Variants in SESN3 observed in about 807,000 individuals in gnomAD.
SESN3 encodes the protein sestrin 3.
SESN3 carries 21 observed loss-of-function variants against 55.3 expected under a neutral mutation model. That is an observed-to-expected ratio of 0.38 (90% CI 0.27 to 0.55). The LOEUF is 0.55. SESN3 is among the 20% of genes least tolerant of loss of function. The pLI is 0.76. For missense variants in SESN3, 408 were observed against 604.3 expected (o/e 0.68, Z 3.41); for synonymous variants, 181 against 203.1 (o/e 0.89, Z 0.93).
chr11:95,199,582 T>C (rs958202151), intron 1 of SESN3, among the ~76,000 whole-genome samples: 15 of 152,086 alleles, frequency 9.9e-5, no homozygotes, highest in African/African-American at 3.6e-4. Context: ...TAGAAACTCT[T>C]AAAATTGTGA....
chr11:95,196,787 C>T (rs577347998), intron 1 of SESN3, among the ~76,000 whole-genome samples: 45 of 152,340 alleles, frequency 3.0e-4, no homozygotes, highest in Admixed American at 1.8e-3. Flanking sequence ...GACAGTTCTA[C>T]CGGACAGTGC....
chr11:95,226,615 CT>C (rs1860952529), intron 1 of SESN3, among the ~76,000 whole-genome samples: 1 of 152,104 alleles, frequency 6.6e-6, no homozygotes, highest in Non-Finnish European at 1.5e-5. Flanking sequence ...GGAAGGAATT[CT>C]TTTTAAAAAG....
intron 1 of SESN3, chr11:95,203,588 A>C (rs1187553222): frequency 6.6e-6 from 1 of 152,224 alleles, no homozygotes; most frequent in Non-Finnish European, 1.5e-5. Flanking sequence ...TGATCTGTAT[A>C]GTAAATGCAT....
chr11:95,178,815 G>T lies in SESN3; in HGVS notation c.951C>A (p.Asp317Glu). Residue 317 changes from aspartate to glutamate, a missense_variant, in exon 7 of 10, where the codon GAC (aspartate) becomes GAA (glutamate). Asp to Glu is a conservative substitution (Grantham distance 45). Around this residue, in one of 4 missense-constraint regions of SESN3, gnomAD observed 119 missense variants for 139.9 expected, o/e 0.85. Coordinates refer to ENST00000536441, the MANE Select transcript of SESN3 (RefSeq NM_144665.4). ...HSFPHSDFED[D>E]MIITSDVSRY... is the part of the protein sequence containing the mutation. Reference sequence around the variant, plus strand: ...GAGAGACATCAGATGTTATAATCATGTCATCCTCAAAATCTAAGGACAATA... The same window carrying T: ...GAGAGACATCAGATGTTATAATCATTTCATCCTCAAAATCTAAGGACAATA... 1 of 1,592,676 alleles carries T rather than the reference G, an allele frequency of 6.3e-7. No individual in the cohort carries two copies. The highest frequency in any genetic ancestry group is 8.6e-7 in the Non-Finnish European group (1 of 1,160,894).
chr11:95,199,400 A>T (rs1207564999), intron 1 of SESN3, among the ~76,000 whole-genome samples: 1 of 152,070 alleles, frequency 6.6e-6, no homozygotes, highest in Non-Finnish European at 1.5e-5. Context: ...ATCAGTTGAG[A>T]TTATGCCTAT....
At chr11:95,193,306 A>T in intron 2 of SESN3, 151 bp downstream of exon 2, 1 of 595,164 alleles carries the variant, frequency 1.7e-6, no homozygotes. Context: ...TGTGAAGCTG[A>T]AAAGAAAATA....
At chr11:95,216,354 G>C (rs1449455738) in intron 1 of SESN3, among the ~76,000 whole-genome samples, 1 of 152,108 alleles carries the variant, frequency 6.6e-6, no homozygotes, top group Non-Finnish European at 1.5e-5. Flanking sequence ...GGACAGGTTA[G>C]GACTGCTAGA....
At chr11:95,215,255 TA>T (rs1211966880) in intron 1 of SESN3, among the ~76,000 whole-genome samples, 1 of 113,372 alleles carries the variant, frequency 8.8e-6, no homozygotes, top group Non-Finnish European at 1.7e-5. Context: ...TCAGCAGGTC[TA>T]GGGGTGGGGG....
At chr11:95,222,023 C>CT (rs375820179) in intron 1 of SESN3, among the ~76,000 whole-genome samples, 46 of 152,292 alleles carry the variant, frequency 3.0e-4, no homozygotes, top group African/African-American at 1.0e-3. Context: ...GACTGAAAGG[C>CT]TAAGCCAGAA....
chr11:95,214,620 T>C (rs1222365355), intron 1 of SESN3, among the ~76,000 whole-genome samples: 3 of 151,990 alleles, frequency 2.0e-5, no homozygotes, highest in Non-Finnish European at 2.9e-5. Context: ...AATTTATATA[T>C]ATATATGTAT....
chr11:95,184,679 A>G (rs563431310), intron 5 of SESN3, 85 bp from the exon 6 acceptor site: 207 of 1,272,886 alleles, frequency 1.6e-4, no homozygotes, highest in Non-Finnish European at 2.1e-4. Flanking sequence ...TCACCTTACT[A>G]TGTACAGCGG....
intron 1 of SESN3, among the ~76,000 whole-genome samples, chr11:95,223,218 G>T (rs1029912807): frequency 2.6e-5 from 4 of 151,972 alleles, no homozygotes; most frequent in African/African-American, 9.7e-5. Flanking sequence ...TACCTTTGAG[G>T]ATTTATTTAG....
chr11:95,204,298 T>C (rs1405925236), intron 1 of SESN3, among the ~76,000 whole-genome samples: 4 of 152,144 alleles, frequency 2.6e-5, no homozygotes, highest in African/African-American at 7.2e-5. Flanking sequence ...CTGAGATAAA[T>C]AGGCATTTAA....
intron 1 of SESN3, among the ~76,000 whole-genome samples, chr11:95,212,327 A>G (rs1331883755): frequency 2.0e-5 from 3 of 152,136 alleles, no homozygotes; most frequent in African/African-American, 7.2e-5. Context: ...TTATTTAGAA[A>G]ACATCTTTCT....
intron 1 of SESN3, among the ~76,000 whole-genome samples, chr11:95,205,374 TA>T (rs1860528989): frequency 6.6e-6 from 1 of 152,148 alleles, no homozygotes; most frequent in African/African-American, 2.4e-5. Flanking sequence ...ATTAGTAGGC[TA>T]CTATATTATG....
In SESN3 at chr11:95,173,055, T is replaced by G; in HGVS notation, c.*200A>C. 1 of 455,332 alleles carries G rather than the reference T, an allele frequency of 2.2e-6. No individual in the cohort carries two copies. Among genetic ancestry groups the G allele is most frequent in the South Asian group, 5.4e-5 (1 of 18,396 alleles). The allele number at this position is 455,332 out of a possible 1,614,324, so 28.2% of individuals were successfully genotyped here. On this transcript the variant is annotated 3_prime_UTR_variant, in exon 10 of 10. Coordinates refer to ENST00000536441, the MANE Select transcript of SESN3 (RefSeq NM_144665.4). Reference sequence around the variant, plus strand: ...TGCTCCTCAGTATTATTTTTGCAATTGTTAGTAATGTTAAGCATCAAGGAA... The same window carrying G: ...TGCTCCTCAGTATTATTTTTGCAATGGTTAGTAATGTTAAGCATCAAGGAA...
chr11:95,178,500 G>C (rs1018031246), intron 7 of SESN3, among the ~76,000 whole-genome samples: 11 of 152,170 alleles, frequency 7.2e-5, no homozygotes, highest in South Asian at 6.2e-4. Flanking sequence ...GAATAAAGCA[G>C]ACTGTTTCCT....
rs1290892661 is a variant in SESN3 at position 95,185,287 on chromosome 11, T to G, written c.731A>C (p.Glu244Ala). The change falls in exon 5 of 10, where the codon GAG becomes GCG. Residue 244 changes from glutamate (E) to alanine (A), a missense_variant. Physicochemically the swap from Glu to Ala is moderately radical, Grantham distance 107 (BLOSUM62 -1). Coordinates refer to ENST00000536441, the MANE Select transcript of SESN3 (RefSeq NM_144665.4). ...GTTGCTGCCTGAAAGAGATGCATTCTCTATGTTGTTGTCATTAGCAAGATC... is the reference window on the plus strand; with the variant it reads ...GTTGCTGCCTGAAAGAGATGCATTCGCTATGTTGTTGTCATTAGCAAGATC... ...VCDLANDNNI[E>A]NASLSGSNFG... The G allele has an allele frequency of 6.2e-7, 1 of 1,611,226 alleles. No homozygotes were observed. The highest frequency in any genetic ancestry group is 1.3e-5 in the African/African-American group (1 of 74,260).
chr11:95,174,579 G>C (rs1859918850), intron 9 of SESN3, among the ~76,000 whole-genome samples: 1 of 152,080 alleles, frequency 6.6e-6, no homozygotes, highest in South Asian at 2.1e-4. Flanking sequence ...TGCCTCCTGG[G>C]TTCAAGCGAT....
Sources: allele counts gnomAD v4.1 joint callset (sites outside exome capture counted in the v4.1 genomes callset), GRCh38; gene constraint gnomAD v4.1.1; regional missense constraint gnomAD v4.1.1; transcripts MANE v1.5; gene names NCBI Gene and HGNC (gene_info 2026-07-23, HGNC 2026-07-21).